The following ZFAT variants were observed in gnomAD, a reference collection of about 807,000 sequenced individuals.
ZFAT encodes the protein zinc finger and AT-hook domain containing.
A neutral mutation model predicts 117.7 loss-of-function variants in ZFAT; 64 were observed. The observed-to-expected ratio is 0.54, with a 90% CI of 0.44 to 0.67. The LOEUF is 0.67. Ranked by LOEUF, ZFAT falls within the 30% of genes least tolerant of loss-of-function variation. The pLI, the probability that ZFAT is intolerant of heterozygous loss-of-function variation, is 0.00. For missense variants in ZFAT, 1,433 were observed against 1,584.5 expected (o/e 0.90, Z 1.62); for synonymous variants, 679 against 615.0 (o/e 1.10, Z -1.54).
chr8:134,549,442 G>GAAAAAAAAA (rs34384490), intron 11 of ZFAT, among the ~76,000 whole-genome samples: 2 of 119,412 alleles, frequency 1.7e-5, no homozygotes, highest in African/African-American at 3.2e-5. Flanking sequence ...CTCCGTCTCA[G>GAAAAAAAAA]AAAAAAAAAA....
chr8:134,706,299 C>G (rs894760712), intron 1 of ZFAT, among the ~76,000 whole-genome samples: 1 of 152,150 alleles, frequency 6.6e-6, no homozygotes, highest in South Asian at 2.1e-4. Flanking sequence ...AAACAAACTA[C>G]TGAATCTCAG....
the ZFAT span, among the ~76,000 whole-genome samples, chr8:134,790,119 C>T: frequency 1.3e-5 from 2 of 151,864 alleles, no homozygotes; most frequent in East Asian, 1.9e-4. Context: ...TTTAAATGGG[C>T]CTCCGATGGT....
At chr8:134,745,429 T>C in the ZFAT span, among the ~76,000 whole-genome samples, 1 of 152,190 alleles carries the variant, frequency 6.6e-6, no homozygotes, top group Non-Finnish European at 1.5e-5. Flanking sequence ...GCCCTGAGTC[T>C]ACAGCTGAGT....
Position 134,610,849 on chromosome 8 carries a change from C to T in ZFAT, c.449-194G>A, listed in dbSNP as rs141684545. On this transcript the variant is annotated intron_variant, in intron 3 of 15. Coordinates refer to ENST00000377838, the MANE Select transcript of ZFAT (RefSeq NM_020863.4). ...CACTCGATTCAGTACATGTTCACTGCTCCCCGCCACAGGCCATCACCTAGG... is the reference window on the plus strand; with the variant it reads ...CACTCGATTCAGTACATGTTCACTGTTCCCCGCCACAGGCCATCACCTAGG... Among the ~76,000 whole-genome samples the T allele has an allele frequency of 4.3e-3, 647 of 151,884 alleles. 3 individuals are homozygous for T. The highest frequency in any genetic ancestry group is 0.015 in the African/African-American group (603 of 41,542).
chr8:134,556,163 C>T (rs1200274960), intron 11 of ZFAT, among the ~76,000 whole-genome samples: 1 of 152,076 alleles, frequency 6.6e-6, no homozygotes, highest in Non-Finnish European at 1.5e-5. Context: ...TAAAACATCA[C>T]ATTTGGTGGT....
chr8:134,811,615 G>T, the ZFAT span, among the ~76,000 whole-genome samples: 1 of 152,160 alleles, frequency 6.6e-6, no homozygotes, highest in South Asian at 2.1e-4. Flanking sequence ...TCTCACAGCA[G>T]CAAAGTGATC....
At chr8:134,580,204 A>T (rs1586746304) in intron 10 of ZFAT, among the ~76,000 whole-genome samples, 1 of 150,418 alleles carries the variant, frequency 6.6e-6, no homozygotes, top group Non-Finnish European at 1.5e-5. Context: ...GACCAAAATC[A>T]CCCTACTAGG....
At chr8:134,558,326 G>A (rs1166408196) in intron 11 of ZFAT, among the ~76,000 whole-genome samples, 2 of 152,198 alleles carry the variant, frequency 1.3e-5, no homozygotes, top group Non-Finnish European at 2.9e-5. Flanking sequence ...GCTGTGTGGA[G>A]ACATTCCTTC....
intron 3 of ZFAT, among the ~76,000 whole-genome samples, chr8:134,612,166 T>C (rs956241268): frequency 6.6e-6 from 1 of 152,196 alleles, no homozygotes; most frequent in African/African-American, 2.4e-5. Context: ...TCAGAACATA[T>C]GACAAATGCA....
At chr8:134,664,518 C>T (rs1295019793) in intron 1 of ZFAT, among the ~76,000 whole-genome samples, 2 of 152,264 alleles carry the variant, frequency 1.3e-5, no homozygotes, top group African/African-American at 2.4e-5. Context: ...GAGCAGAGAG[C>T]ATGGTGCTCC....
chr8:134,537,918 G>A (rs527921843), intron 11 of ZFAT, among the ~76,000 whole-genome samples: 43 of 152,308 alleles, frequency 2.8e-4, no homozygotes, highest in South Asian at 2.1e-3. Context: ...CAGTATGGAT[G>A]GCAGAAGGCA....
chr8:134,801,433 T>C, the ZFAT span, among the ~76,000 whole-genome samples: 15 of 152,160 alleles, frequency 9.9e-5, no homozygotes, highest in African/African-American at 3.6e-4. Flanking sequence ...AAACTACATA[T>C]AATAACCACT....
rs560862816 is a variant in ZFAT, at chr8:134,532,599, T to C, written c.3115+235A>G. Among the ~76,000 whole-genome samples, 10 of 152,394 alleles carry C rather than the reference T, an allele frequency of 6.6e-5. No homozygotes were observed. In the South Asian group the frequency reaches 1.0e-3, roughly 16 times the overall value. ...GTAGTAGAATTTGTGTGTGAATTTTTACTTCTGCTATTTTAGACTTCCACT... is the reference window on the plus strand; with the variant it reads ...GTAGTAGAATTTGTGTGTGAATTTTCACTTCTGCTATTTTAGACTTCCACT... On this transcript the variant is annotated intron_variant, in intron 12 of 15. Transcript: ENST00000377838.
chr8:134,592,410 C>A (rs1406616501), intron 7 of ZFAT, among the ~76,000 whole-genome samples: 3 of 152,228 alleles, frequency 2.0e-5, no homozygotes, highest in Non-Finnish European at 4.4e-5. Context: ...TCTTATGAGA[C>A]CCTGACTAGC....
At chr8:134,670,647 G>T (rs1832513451) in intron 1 of ZFAT, among the ~76,000 whole-genome samples, 1 of 152,230 alleles carries the variant, frequency 6.6e-6, no homozygotes. Flanking sequence ...ACAAGAGAAA[G>T]CAGGGAAGAA....
chr8:134,525,067 C>T (rs2130503605), intron 12 of ZFAT, among the ~76,000 whole-genome samples: 1 of 152,354 alleles, frequency 6.6e-6, no homozygotes, highest in South Asian at 2.1e-4. Context: ...ACATCCTTAA[C>T]CCCAGCCTTT....
At chr8:134,513,253 G>A (rs1025376762) in intron 13 of ZFAT, among the ~76,000 whole-genome samples, 40 of 150,824 alleles carry the variant, frequency 2.7e-4, no homozygotes, top group Admixed American at 7.9e-4. Flanking sequence ...GCTGGAGCGC[G>A]GTGGCGCGAT....
chr8:134,827,068 G>A, the ZFAT span, among the ~76,000 whole-genome samples: 1 of 151,630 alleles, frequency 6.6e-6, no homozygotes, highest in African/African-American at 2.4e-5. Flanking sequence ...GTCCGGAGAG[G>A]GAGACAGGGT....
intron 11 of ZFAT, among the ~76,000 whole-genome samples, chr8:134,554,817 C>T (rs1010116459): frequency 6.6e-6 from 1 of 152,218 alleles, no homozygotes; most frequent in African/African-American, 2.4e-5. Context: ...TCTGGAATCT[C>T]ACTGGTGCTC....
Sources: gnomAD v4.1 joint callset for allele counts (sites outside exome capture counted in the v4.1 genomes callset) on GRCh38, gnomAD v4.1.1 for gene constraint, MANE v1.5 for transcripts, NCBI Gene and HGNC (gene_info 2026-07-23, HGNC 2026-07-21) for gene names.